ATP9B: variants seen among roughly 807,000 people sequenced by gnomAD.
The protein encoded by ATP9B is ATPase phospholipid transporting 9B, also known as probable phospholipid-transporting ATPase IIB.
Under a neutral mutation model 146.1 loss-of-function variants are expected in ATP9B, and 110 were observed. The ratio of observed to expected loss-of-function variants is 0.75; its 90% CI spans 0.65 to 0.88. The LOEUF (loss-of-function observed/expected upper bound fraction) is 0.88. Ranked by LOEUF, ATP9B falls within the 40% of genes least tolerant of loss-of-function variation. ATP9B has a pLI of 0.00. For missense variants in ATP9B, 1,499 were observed against 1,496.4 expected, an observed-to-expected ratio of 1.00 and a Z score of -0.03; for synonymous variants, 604 against 569.7, an observed-to-expected ratio of 1.06 and a Z score of -0.86.
chr18:79,075,381 C>A (rs1241354486), intron 1 of ATP9B, among the ~76,000 whole-genome samples: 1 of 152,176 alleles, frequency 6.6e-6, no homozygotes, highest in Non-Finnish European at 1.5e-5. Flanking sequence ...GCTCAGTGAT[C>A]GCCTTCTGTC....
chr18:79,221,368 A>G (rs1194611410), intron 11 of ATP9B, among the ~76,000 whole-genome samples: 1 of 152,144 alleles, frequency 6.6e-6, no homozygotes. Context: ...TTCAGCTGAT[A>G]AGGAGGACTT....
intron 6 of ATP9B, among the ~76,000 whole-genome samples, chr18:79,148,879 T>C (rs908884279): frequency 1.3e-5 from 2 of 152,220 alleles, no homozygotes; most frequent in Non-Finnish European, 2.9e-5. Context: ...TGTCAAGTTA[T>C]AAGATTGATG....
intron 8 of ATP9B, among the ~76,000 whole-genome samples, chr18:79,185,293 C>T (rs893552882): frequency 2.0e-5 from 3 of 152,128 alleles, no homozygotes; most frequent in Non-Finnish European, 4.4e-5. Context: ...GAGTAATGCT[C>T]TTTGCCATGA....
intron 25 of ATP9B, among the ~76,000 whole-genome samples, chr18:79,351,383 G>C (rs7235858): frequency 6.6e-6 from 1 of 152,034 alleles, no homozygotes; most frequent in African/African-American, 2.4e-5. Context: ...CTGAGTGTCC[G>C]TCACAAAAGA....
intron 15 of ATP9B, among the ~76,000 whole-genome samples, chr18:79,312,234 G>A (rs920558969): frequency 1.3e-5 from 2 of 152,208 alleles, no homozygotes; most frequent in Admixed American, 1.3e-4. Context: ...GGTACATGTG[G>A]ATTGGGTGGT....
At chr18:79,198,736 T>A (rs1224441816) in intron 9 of ATP9B, among the ~76,000 whole-genome samples, 3 of 152,124 alleles carry the variant, frequency 2.0e-5, no homozygotes, top group African/African-American at 7.2e-5. Context: ...GTATAAAAGA[T>A]TAAGAAATGA....
At chr18:79,371,862 A>G (rs974028194) in intron 26 of ATP9B, among the ~76,000 whole-genome samples, 1 of 152,210 alleles carries the variant, frequency 6.6e-6, no homozygotes, top group Non-Finnish European at 1.5e-5. Context: ...TCAGGGCAGG[A>G]CTTTGGGCTC....
intron 13 of ATP9B, among the ~76,000 whole-genome samples, chr18:79,282,701 T>C (rs1356070389): frequency 6.6e-6 from 1 of 152,234 alleles, no homozygotes; most frequent in Non-Finnish European, 1.5e-5. Flanking sequence ...ATAGTCACTT[T>C]ATTGCCCAGG....
At chr18:79,180,720 A>T (rs7236072) in intron 8 of ATP9B, among the ~76,000 whole-genome samples, 1 of 151,898 alleles carries the variant, frequency 6.6e-6, no homozygotes, top group Non-Finnish European at 1.5e-5. Flanking sequence ...CTTTCAACGT[A>T]TCTTGTAGTG....
intron 13 of ATP9B, among the ~76,000 whole-genome samples, chr18:79,284,619 T>A (rs183072159): frequency 5.8e-4 from 89 of 152,294 alleles, no homozygotes; most frequent in African/African-American, 1.6e-3. Flanking sequence ...TCATTTTTTT[T>A]AATTTTTTTA....
At chr18:79,251,468 C>T (rs986990984) in intron 11 of ATP9B, among the ~76,000 whole-genome samples, 3 of 152,166 alleles carry the variant, frequency 2.0e-5, no homozygotes, top group Non-Finnish European at 2.9e-5. Flanking sequence ...CTTATTTCTC[C>T]TACTAGATTA....
intron 26 of ATP9B, among the ~76,000 whole-genome samples, chr18:79,371,885 T>G (rs1183335112): frequency 6.6e-6 from 1 of 152,240 alleles, no homozygotes; most frequent in African/African-American, 2.4e-5. Context: ...ATCAGCAGAC[T>G]ACACTTCTTA....
chr18:79,207,125 T>C (rs2095541794), intron 10 of ATP9B, 113 bp downstream of exon 10: 1 of 998,616 alleles, frequency 1.0e-6, no homozygotes, highest in Non-Finnish European at 1.5e-6. Flanking sequence ...TTTAGGGACC[T>C]TGCTAAACGC....
Position 79,336,668 on chromosome 18 carries a change from T to C in ATP9B, c.2069T>C (p.Val690Ala), listed in dbSNP as rs747469105. Reference protein sequence around the residue: ...MAREGLRTLVVAKKALTEEQY... With the variant: ...MAREGLRTLVAAKKALTEEQY... Reference sequence around the variant, plus strand: ...CGCGAAGGACTGCGGACCCTCGTGGTTGCAAAGAAGGCGTTGACAGAGGAG... The same window carrying C: ...CGCGAAGGACTGCGGACCCTCGTGGCTGCAAAGAAGGCGTTGACAGAGGAG... The change falls in exon 18 of 30, where the codon GTT (valine) becomes GCT (alanine). Residue 690 changes from valine (V) to alanine (A), a missense_variant. Physicochemically the swap from Val to Ala is moderately conservative, Grantham distance 64. Coordinates refer to ENST00000426216, the MANE Select transcript of ATP9B (RefSeq NM_198531.5). 2 of 1,613,334 alleles carry C rather than the reference T, an allele frequency of 1.2e-6. No homozygotes were observed. Among genetic ancestry groups the C allele is most frequent in the South Asian group, 2.2e-5 (2 of 90,914 alleles).
chr18:79,071,710 T>A (rs2146357913), intron 1 of ATP9B, among the ~76,000 whole-genome samples: 1 of 152,250 alleles, frequency 6.6e-6, no homozygotes, highest in East Asian at 1.9e-4. Flanking sequence ...TTGTGCTGCT[T>A]CCTTCTTGTG....
At chr18:79,123,308 A>T (rs1447034779) in intron 4 of ATP9B, among the ~76,000 whole-genome samples, 3 of 152,226 alleles carry the variant, frequency 2.0e-5, no homozygotes, top group Non-Finnish European at 4.4e-5. Flanking sequence ...TAACAATTCC[A>T]TTTATAATCT....
At chr18:79,276,789 A>G (rs913877662) in intron 12 of ATP9B, among the ~76,000 whole-genome samples, 7 of 152,272 alleles carry the variant, frequency 4.6e-5, no homozygotes, top group Admixed American at 4.6e-4. Context: ...TAAAGTCTAA[A>G]ATCCAATATT....
At chr18:79,308,399 A>G (rs1193759661) in intron 15 of ATP9B, among the ~76,000 whole-genome samples, 2 of 152,224 alleles carry the variant, frequency 1.3e-5, no homozygotes. Flanking sequence ...CCAAATGTCT[A>G]TCAGCTATCA....
rs2147632601 is a variant in ATP9B, at chr18:79,154,570, A to T, written c.778+15A>T. 6.6e-7 allele frequency: 1 copy of T among 1,507,318 alleles called. No homozygotes were observed. Among genetic ancestry groups the T allele is most frequent in the East Asian group, 2.4e-5 (1 of 41,240 alleles). The allele number at this position is 1,507,318 out of a possible 1,614,324, so 93.4% of individuals were successfully genotyped here. On this transcript the variant is annotated intron_variant, in intron 7 of 29. Transcript: ENST00000426216. ...AGAAAAAGCAGGTATTTTTACATTT[A>T]AAAAAACTTACCTAACTGTATATTA...
Sources: allele counts gnomAD v4.1 joint callset (sites outside exome capture counted in the v4.1 genomes callset), GRCh38; gene constraint gnomAD v4.1.1; transcripts MANE v1.5; gene names NCBI Gene and HGNC (gene_info 2026-07-23, HGNC 2026-07-21).